The following PLCH1 variants were observed in gnomAD, a reference collection of about 807,000 sequenced individuals.
PLCH1 encodes 1-phosphatidylinositol 4,5-bisphosphate phosphodiesterase eta-1.
PLCH1 carries 60 observed loss-of-function variants against 126.7 expected under a neutral mutation model. The ratio of observed to expected loss-of-function variants is 0.47; its 90% CI spans 0.38 to 0.59. PLCH1 has a LOEUF of 0.59. Ranked by LOEUF, PLCH1 falls within the 20% of genes least tolerant of loss-of-function variation. PLCH1 has a pLI of 0.00. For synonymous variants in PLCH1, 719 were observed against 734.9 expected (o/e 0.98, Z 0.35); for missense variants, 1,723 against 2,040.0 (o/e 0.84, Z 2.99).
intron 2 of PLCH1, among the ~76,000 whole-genome samples, chr3:155,611,692 A>G (rs1253508348): frequency 6.6e-6 from 1 of 152,186 alleles, no homozygotes; most frequent in Non-Finnish European, 1.5e-5. Context: ...AGAACATCTT[A>G]CCCAACAACT....
chr3:155,531,547 C>A (rs1305876132), intron 10 of PLCH1, among the ~76,000 whole-genome samples: 1 of 152,204 alleles, frequency 6.6e-6, no homozygotes, highest in African/African-American at 2.4e-5. Context: ...ATCACTTGAA[C>A]CCAGGAGGTA....
chr3:155,652,313 T>C (rs536123637), intron 2 of PLCH1, among the ~76,000 whole-genome samples: 1 of 152,328 alleles, frequency 6.6e-6, no homozygotes, highest in African/African-American at 2.4e-5. Context: ...GTATCATTTA[T>C]CTAATGGACA....
chr3:155,585,997 A>G, intron 5 of PLCH1, 68 bp downstream of exon 5: 1 of 1,381,582 alleles, frequency 7.2e-7, no homozygotes, highest in Non-Finnish European at 1.0e-6. Flanking sequence ...ATAGCTTTTT[A>G]ATATACCTAA....
Position 155,594,179 on chromosome 3 carries a change from T to A in PLCH1, c.232A>T (p.Ile78Phe). ...TCAGTCACTTTGTAAATGGAATCAA[T>A]AAGTACTGTGAGGAAAATGAGATAC... ...SRKSEKAKIL[I>F]DSIYKVTEGR... The change falls in exon 4 of 23, where the codon ATT (isoleucine) becomes TTT (phenylalanine). Residue 78 changes from isoleucine to phenylalanine, a missense_variant. Physicochemically the swap from Ile to Phe is conservative, Grantham distance 21. Coordinates refer to ENST00000460012, the MANE Select transcript of PLCH1 (RefSeq NM_014996.4). 6.2e-7 allele frequency: 1 copy of A among 1,613,486 alleles called. No individual in the cohort carries two copies. The highest frequency in any genetic ancestry group is 8.5e-7 in the Non-Finnish European group (1 of 1,179,584).
At chr3:155,622,634 A>G (rs915399137) in intron 2 of PLCH1, among the ~76,000 whole-genome samples, 7 of 143,770 alleles carry the variant, frequency 4.9e-5, no homozygotes, top group Admixed American at 4.2e-4. Flanking sequence ...TCAATAAAAC[A>G]GACTTTAAAC....
At chr3:155,634,221 G>C (rs946198783) in intron 2 of PLCH1, among the ~76,000 whole-genome samples, 8 of 152,138 alleles carry the variant, frequency 5.3e-5, no homozygotes, top group South Asian at 2.1e-4. Flanking sequence ...GACCAAAAGA[G>C]GGCTGTAAGA....
chr3:155,601,812 A>G (rs114461502), intron 2 of PLCH1, among the ~76,000 whole-genome samples: 2,816 of 152,264 alleles, frequency 0.018, 94 homozygotes, highest in African/African-American at 0.066. Flanking sequence ...TAATCACACA[A>G]CATTTCCATT....
chr3:155,480,919 A>G lies in PLCH1; in HGVS notation c.*49T>C, dbSNP rs1003877889. 7.7e-6 allele frequency: 11 copies of G among 1,419,964 alleles called. No homozygotes were observed. Among genetic ancestry groups the G allele is most frequent in the Non-Finnish European group, 9.5e-6 (10 of 1,053,482 alleles). 88.0% of individuals were successfully genotyped at this position (1,419,964 alleles called of 1,614,324 possible). On this transcript the variant is annotated 3_prime_UTR_variant, in exon 23 of 23. Coordinates refer to ENST00000460012, the MANE Select transcript of PLCH1 (RefSeq NM_014996.4). ...AGGAACTTATTTACTGAAAACTCTGACATTCTACAGAATACCTTGAAAACC... is the reference window on the plus strand; with the variant it reads ...AGGAACTTATTTACTGAAAACTCTGGCATTCTACAGAATACCTTGAAAACC...
At chr3:155,718,969 T>C (rs1049508945) in intron 1 of PLCH1, among the ~76,000 whole-genome samples, 1 of 152,238 alleles carries the variant, frequency 6.6e-6, no homozygotes, top group Non-Finnish European at 1.5e-5. Flanking sequence ...TTCATGACTA[T>C]ATATTTCAAA....
intron 21 of PLCH1, chr3:155,486,137 G>A: frequency 6.6e-7 from 1 of 1,518,852 alleles, no homozygotes; most frequent in African/African-American, 1.4e-5. Flanking sequence ...GCACCATGCT[G>A]AGAAACTACC....
chr3:155,606,892 C>G (rs1457301405), intron 2 of PLCH1, among the ~76,000 whole-genome samples: 3 of 152,188 alleles, frequency 2.0e-5, no homozygotes. Flanking sequence ...GTTTTACCTT[C>G]CAGTTGTGCC....
intron 2 of PLCH1, among the ~76,000 whole-genome samples, chr3:155,641,711 G>T (rs1385772604): frequency 6.6e-6 from 1 of 151,984 alleles, no homozygotes; most frequent in African/African-American, 2.4e-5. Context: ...CCATAAATAT[G>T]TACAACTGTT....
chr3:155,677,171 C>T (rs77601608), intron 2 of PLCH1, among the ~76,000 whole-genome samples: 3,399 of 152,266 alleles, frequency 0.022, 136 homozygotes, highest in African/African-American at 0.078. Flanking sequence ...AGCTGTCCCT[C>T]ACCCACCTGT....
intron 12 of PLCH1, among the ~76,000 whole-genome samples, chr3:155,512,157 C>T (rs886161153): frequency 2.0e-5 from 3 of 151,876 alleles, no homozygotes; most frequent in Non-Finnish European, 1.5e-5. Context: ...GGAAAGGGAA[C>T]TCCCTGACCC....
At chr3:155,631,902 C>CTTTTTT (rs60843505) in intron 2 of PLCH1, among the ~76,000 whole-genome samples, 4 of 140,842 alleles carry the variant, frequency 2.8e-5, no homozygotes, top group Non-Finnish European at 4.6e-5. Flanking sequence ...ACAAGAACTC[C>CTTTTTT]TTTTTTTTTT....
intron 2 of PLCH1, among the ~76,000 whole-genome samples, chr3:155,703,530 G>A (rs1289992589): frequency 6.6e-6 from 1 of 152,142 alleles, no homozygotes; most frequent in African/African-American, 2.4e-5. Context: ...GTCTTAGTTT[G>A]CCATGAAAAT....
intron 2 of PLCH1, among the ~76,000 whole-genome samples, chr3:155,614,618 G>A (rs1444541215): frequency 1.3e-5 from 2 of 152,164 alleles, no homozygotes; most frequent in Non-Finnish European, 2.9e-5. Context: ...AGAGAACCCA[G>A]AAAGAAAGCC....
chr3:155,710,472 A>C (rs1267150945), intron 1 of PLCH1, among the ~76,000 whole-genome samples: 1 of 152,216 alleles, frequency 6.6e-6, no homozygotes, highest in Non-Finnish European at 1.5e-5. Flanking sequence ...GAATCCTTAC[A>C]ATGATTCAAA....
intron 21 of PLCH1, among the ~76,000 whole-genome samples, chr3:155,463,944 G>A (rs1484993968): frequency 2.0e-5 from 3 of 152,296 alleles, no homozygotes; most frequent in East Asian, 3.9e-4. Context: ...CAGTTTATCA[G>A]ATGTTTACTG....
Sources: allele counts gnomAD v4.1 joint callset (sites outside exome capture counted in the v4.1 genomes callset), GRCh38; gene constraint gnomAD v4.1.1; transcripts MANE v1.5; gene names NCBI Gene and HGNC (gene_info 2026-07-23, HGNC 2026-07-21).